Variants in MCTP2 observed in about 807,000 individuals in gnomAD.
MCTP2 encodes multiple C2 and transmembrane domain containing 2, also known as multiple C2 and transmembrane domain-containing protein 2.
Under a neutral mutation model 111.6 loss-of-function variants are expected in MCTP2, and 132 were observed. The observed-to-expected ratio is 1.18, with a 90% CI of 1.03 to 1.37. The LOEUF is 1.37. Among genes scored for constraint, MCTP2 ranks in the 40% most tolerant of loss-of-function variants. The probability of loss-of-function intolerance (pLI) is 0.00; values close to 1 mark genes in which losing one functional copy is unlikely to be tolerated. For synonymous variants in MCTP2, 395 were observed against 387.7 expected, an observed-to-expected ratio of 1.02 and a Z score of -0.22; for missense variants, 1,183 against 1,067.9, an observed-to-expected ratio of 1.11 and a Z score of -1.50.
intron 3 of MCTP2, chr15:94,314,602 G>A: frequency 1.8e-6 from 1 of 551,602 alleles, no homozygotes; most frequent in Non-Finnish European, 3.3e-6. Context: ...GGCAGATAAA[G>A]CCAGTTTGAA....
At chr15:94,234,876 G>A (rs17660977) in intron 1 of MCTP2, among the ~76,000 whole-genome samples, 3,397 of 152,278 alleles carry the variant, frequency 0.022, 146 homozygotes, top group East Asian at 0.13. Context: ...GCCTTGGAGG[G>A]TTCCTGATGG....
chr15:94,315,187 GT>G (rs2076324925), intron 3 of MCTP2, among the ~76,000 whole-genome samples: 1 of 152,138 alleles, frequency 6.6e-6, no homozygotes. Context: ...TCTTCCTCCT[GT>G]TGCCTCTCTT....
At chr15:94,439,113 A>T (rs1046257026) in intron 17 of MCTP2, among the ~76,000 whole-genome samples, 18 of 152,226 alleles carry the variant, frequency 1.2e-4, no homozygotes, top group Non-Finnish European at 1.2e-4. Flanking sequence ...TTTATATGTA[A>T]ATAATGACAA....
chr15:94,469,137 TCC>T (rs2073684217), intron 20 of MCTP2, among the ~76,000 whole-genome samples: 1 of 152,206 alleles, frequency 6.6e-6, no homozygotes, highest in African/African-American at 2.4e-5. Flanking sequence ...TTTGTGGTAT[TCC>T]CTCTAAAATC....
At chr15:94,326,731 C>G (rs4473131) in intron 4 of MCTP2, among the ~76,000 whole-genome samples, 1 of 151,178 alleles carries the variant, frequency 6.6e-6, no homozygotes, top group Admixed American at 6.6e-5. Flanking sequence ...CCACGCCTGG[C>G]TAATTTTTGT....
chr15:94,475,013 A>G (rs1322049109), intron 21 of MCTP2, among the ~76,000 whole-genome samples: 2 of 152,184 alleles, frequency 1.3e-5, no homozygotes, highest in Non-Finnish European at 2.9e-5. Context: ...CTTGCCGTTC[A>G]TTGTGAAGAC....
intron 2 of MCTP2, among the ~76,000 whole-genome samples, chr15:94,305,607 G>A (rs1390707540): frequency 1.3e-5 from 2 of 152,152 alleles, no homozygotes; most frequent in Admixed American, 6.5e-5. Context: ...GAGTAGAAAT[G>A]TCATTTTTCT....
chr15:94,347,249 G>A (rs1171046492), intron 8 of MCTP2, among the ~76,000 whole-genome samples: 1 of 151,930 alleles, frequency 6.6e-6, no homozygotes, highest in African/African-American at 2.4e-5. Context: ...TACCCTGGTC[G>A]GCCTATTTTT....
intron 4 of MCTP2, among the ~76,000 whole-genome samples, chr15:94,323,693 A>G (rs369713235): frequency 5.3e-4 from 81 of 152,200 alleles, no homozygotes; most frequent in African/African-American, 1.7e-3. Context: ...AACGAGTCTT[A>G]CTCTGATGCT....
intron 4 of MCTP2, among the ~76,000 whole-genome samples, chr15:94,335,064 C>T (rs2077292403): frequency 6.6e-6 from 1 of 152,172 alleles, no homozygotes; most frequent in African/African-American, 2.4e-5. Context: ...CTGGTGCCAG[C>T]TTTCTCCTCA....
At chr15:94,281,640 G>C (rs558211554) in intron 1 of MCTP2, among the ~76,000 whole-genome samples, 1 of 152,208 alleles carries the variant, frequency 6.6e-6, no homozygotes, top group East Asian at 1.9e-4. Context: ...CTGTGCAGTT[G>C]TTTTATAGTG....
At chr15:94,338,488 ATT>A (rs201502636) in intron 4 of MCTP2, among the ~76,000 whole-genome samples, 35 of 134,140 alleles carry the variant, frequency 2.6e-4, no homozygotes, top group Admixed American at 3.0e-4. Flanking sequence ...GTTTGCAGGC[ATT>A]TTTTTTTTTT....
chr15:94,252,760 T>TA (rs1218201241), intron 1 of MCTP2, among the ~76,000 whole-genome samples: 1 of 152,150 alleles, frequency 6.6e-6, no homozygotes, highest in Non-Finnish European at 1.5e-5. Context: ...TAGGTAGGGT[T>TA]ACCAGCCATC....
intron 1 of MCTP2, among the ~76,000 whole-genome samples, chr15:94,248,344 T>G (rs1365041251): frequency 2.6e-5 from 4 of 152,194 alleles, no homozygotes; most frequent in African/African-American, 9.6e-5. Context: ...TTCCACCAAG[T>G]AGAACTGAAC....
chr15:94,287,899 C>G (rs2074837203), intron 1 of MCTP2, among the ~76,000 whole-genome samples: 1 of 152,098 alleles, frequency 6.6e-6, no homozygotes, highest in Non-Finnish European at 1.5e-5. Context: ...CTAGCTGTGG[C>G]CCAAGGAGAA....
Position 94,414,437 on chromosome 15 carries a change from C to T in MCTP2, c.2085+12418C>T, listed in dbSNP as rs141842574. Reference sequence around the variant, plus strand: ...TATAAAAAATATTCAGTTCTCTGCTCTGTTAGCAGCTGACCAAAATCTAAT... The same window carrying T: ...TATAAAAAATATTCAGTTCTCTGCTTTGTTAGCAGCTGACCAAAATCTAAT... On this transcript the variant is annotated intron_variant, in intron 17 of 22. Coordinates refer to ENST00000357742, the MANE Select transcript of MCTP2 (RefSeq NM_001385001.1). Among the ~76,000 whole-genome samples, 1,087 of 152,296 alleles carry T rather than the reference C, an allele frequency of 7.1e-3. 10 individuals are homozygous for T. Among genetic ancestry groups the T allele is most frequent in the African/African-American group, 0.025 (1,042 of 41,570 alleles).
At chr15:94,249,178 T>A (rs1489860939) in intron 1 of MCTP2, among the ~76,000 whole-genome samples, 2 of 152,202 alleles carry the variant, frequency 1.3e-5, no homozygotes, top group Non-Finnish European at 2.9e-5. Context: ...GCCTGTACCA[T>A]GTGAAGTGGT....
intron 17 of MCTP2, among the ~76,000 whole-genome samples, chr15:94,425,415 A>C (rs1332040570): frequency 1.3e-5 from 2 of 152,176 alleles, no homozygotes; most frequent in African/African-American, 4.8e-5. Context: ...TCCATATAAG[A>C]GGTAGAATTC....
chr15:94,268,460 G>A (rs1354320091), intron 1 of MCTP2, among the ~76,000 whole-genome samples: 1 of 151,910 alleles, frequency 6.6e-6, no homozygotes, highest in East Asian at 1.9e-4. Context: ...CCAAAGTGCT[G>A]GGACTACAGG....
Sources: gnomAD v4.1 joint callset for allele counts (sites outside exome capture counted in the v4.1 genomes callset) on GRCh38, gnomAD v4.1.1 for gene constraint, MANE v1.5 for transcripts, NCBI Gene and HGNC (gene_info 2026-07-23, HGNC 2026-07-21) for gene names.